PRKD1: variants seen among roughly 807,000 people sequenced by gnomAD.
PRKD1 encodes the protein protein kinase D1, also known as serine/threonine-protein kinase D1.
In PRKD1, 63 loss-of-function variants were observed where a neutral mutation model predicts 95.9. That is an observed-to-expected ratio of 0.66 (90% CI 0.54 to 0.81). The LOEUF (loss-of-function observed/expected upper bound fraction) is 0.81. PRKD1 is among the 30% of genes least tolerant of loss of function. PRKD1 has a pLI of 0.00. For missense variants in PRKD1, 1,048 were observed against 1,165.3 expected (o/e 0.90, Z 1.47); for synonymous variants, 425 against 423.1 (o/e 1.00, Z -0.05).
intron 1 of PRKD1, among the ~76,000 whole-genome samples, chr14:29,833,838 C>T (rs544789859): frequency 1.2e-3 from 178 of 152,034 alleles, no homozygotes; most frequent in Non-Finnish European, 2.0e-3. Context: ...CCCTTTTACT[C>T]CTCTATTTTC....
At chr14:29,728,859 T>A (rs1953732) in intron 1 of PRKD1, among the ~76,000 whole-genome samples, 46,614 of 151,980 alleles carry the variant, frequency 0.31, 8,310 homozygotes, top group African/African-American at 0.49. Flanking sequence ...CTTAATAAAC[T>A]TACCACCACA....
intron 1 of PRKD1, among the ~76,000 whole-genome samples, chr14:29,848,076 T>A (rs530266778): frequency 2.8e-4 from 43 of 152,298 alleles, no homozygotes; most frequent in African/African-American, 9.4e-4. Flanking sequence ...CTGGTCAATG[T>A]CAGCTCTTTA....
At chr14:29,752,059 T>G (rs1887500959) in intron 1 of PRKD1, among the ~76,000 whole-genome samples, 1 of 152,170 alleles carries the variant, frequency 6.6e-6, no homozygotes, top group African/African-American at 2.4e-5. Context: ...TAAATAAAAT[T>G]ATCAACCAAT....
intron 1 of PRKD1, among the ~76,000 whole-genome samples, chr14:29,746,666 G>GTCATCGAAT (rs1299494691): frequency 6.6e-6 from 1 of 152,124 alleles, no homozygotes; most frequent in Non-Finnish European, 1.5e-5. Context: ...TCAATAAACA[G>GTCATCGAAT]TCATCGAATG....
At chr14:29,789,484 T>C (rs1325514391) in intron 1 of PRKD1, among the ~76,000 whole-genome samples, 1 of 152,158 alleles carries the variant, frequency 6.6e-6, no homozygotes, top group African/African-American at 2.4e-5. Flanking sequence ...GTATAGTGTG[T>C]TTATAATTTC....
chr14:29,900,315 T>G (rs1392436996), intron 1 of PRKD1, among the ~76,000 whole-genome samples: 1 of 152,160 alleles, frequency 6.6e-6, no homozygotes, highest in Non-Finnish European at 1.5e-5. Flanking sequence ...CAAACCAGGC[T>G]CCTCCTCCTA....
At chr14:29,851,468 G>A (rs985624098) in intron 1 of PRKD1, among the ~76,000 whole-genome samples, 12 of 151,934 alleles carry the variant, frequency 7.9e-5, no homozygotes, top group Admixed American at 4.6e-4. Flanking sequence ...CAAAAACTAC[G>A]TGAAAAAATG....
chr14:29,642,275 T>G (rs1880834377), intron 4 of PRKD1, among the ~76,000 whole-genome samples: 1 of 152,226 alleles, frequency 6.6e-6, no homozygotes, highest in Non-Finnish European at 1.5e-5. Flanking sequence ...ACATATTTTG[T>G]CATTAATAAT....
At chr14:29,832,014 G>A (rs906584540) in intron 1 of PRKD1, among the ~76,000 whole-genome samples, 1 of 151,990 alleles carries the variant, frequency 6.6e-6, no homozygotes, top group Non-Finnish European at 1.5e-5. Flanking sequence ...TATTTAAGTT[G>A]TTTTTGCTTT....
intron 2 of PRKD1, among the ~76,000 whole-genome samples, chr14:29,670,188 T>C (rs531574662): frequency 6.6e-6 from 1 of 152,262 alleles, no homozygotes; most frequent in South Asian, 2.1e-4. Flanking sequence ...TATTAATATA[T>C]CTAGAACCTC....
intron 1 of PRKD1, among the ~76,000 whole-genome samples, chr14:29,864,001 T>C (rs1422411925): frequency 6.6e-6 from 1 of 152,126 alleles, no homozygotes; most frequent in East Asian, 1.9e-4. Flanking sequence ...CAGTATGATA[T>C]TGTGTGCGGT....
intron 1 of PRKD1, among the ~76,000 whole-genome samples, chr14:29,748,181 CA>C: frequency 6.6e-6 from 1 of 152,232 alleles, no homozygotes; most frequent in Admixed American, 6.5e-5. Flanking sequence ...TTCTGATTCG[CA>C]GCTATAATTT....
chr14:29,631,037 A>G lies in PRKD1; in HGVS notation c.1393-16T>C, dbSNP rs1296765143. 6 of 1,588,644 alleles carry G rather than the reference A, an allele frequency of 3.8e-6. No homozygotes were observed. Among genetic ancestry groups the G allele is most frequent in the Non-Finnish European group, 5.2e-6 (6 of 1,164,246 alleles). On this transcript the variant is annotated splice_polypyrimidine_tract_variant and intron_variant, in intron 9 of 17. Transcript: ENST00000331968. ...AAGGAATTTCCTGTGAAAGAAAAAA[A>G]GTACTAAATGTTGTTTATCAAAAGT... is the stretch of plus-strand genomic sequence containing the variant.
At chr14:29,602,091 C>T (rs1893538675) in intron 13 of PRKD1, among the ~76,000 whole-genome samples, 1 of 152,062 alleles carries the variant, frequency 6.6e-6, no homozygotes, top group African/African-American at 2.4e-5. Flanking sequence ...GTCTGGCTTC[C>T]TTAAATGGCT....
At position 29,834,699 on chromosome 14, in the gene PRKD1, T is replaced by C. The variant is rs1891544291; in HGVS notation, c.264+92550A>G. 7.2e-5 allele frequency among the ~76,000 whole-genome samples: 11 copies of C among 152,280 alleles called. No homozygotes were observed. In the South Asian group the frequency reaches 2.1e-3, roughly 29 times the overall value. On this transcript the variant is annotated intron_variant, in intron 1 of 17. Transcript: ENST00000331968. ...AATGCCAATCACAATAATAAACTAC[T>C]AAACTTATGGGGCAATTCTTACCTG...
At chr14:29,663,431 A>G (rs1266555271) in intron 4 of PRKD1, among the ~76,000 whole-genome samples, 2 of 152,084 alleles carry the variant, frequency 1.3e-5, no homozygotes, top group Non-Finnish European at 2.9e-5. Flanking sequence ...ACATTAACAC[A>G]TTAGTTCGTG....
intron 1 of PRKD1, among the ~76,000 whole-genome samples, chr14:29,792,929 A>C (rs1594523773): frequency 6.6e-6 from 1 of 152,098 alleles, no homozygotes. Context: ...TGCTGGATCA[A>C]AGGGATGTGA....
chr14:29,902,997 C>T (rs1305238426), intron 1 of PRKD1, among the ~76,000 whole-genome samples: 1 of 152,124 alleles, frequency 6.6e-6, no homozygotes, highest in Non-Finnish European at 1.5e-5. Flanking sequence ...CGTTATAATG[C>T]CCTATATTCC....
At chr14:29,847,259 T>C (rs1031918868) in intron 1 of PRKD1, among the ~76,000 whole-genome samples, 1 of 152,344 alleles carries the variant, frequency 6.6e-6, no homozygotes. Context: ...GTTGTGGTAA[T>C]GTATAAATGG....
Sources: gnomAD v4.1 joint callset for allele counts (sites outside exome capture counted in the v4.1 genomes callset) on GRCh38, gnomAD v4.1.1 for gene constraint, MANE v1.5 for transcripts, NCBI Gene and HGNC (gene_info 2026-07-23, HGNC 2026-07-21) for gene names.